The following CYP4B1 variants were observed in gnomAD, a reference collection of about 807,000 sequenced individuals.
The protein encoded by CYP4B1 is cytochrome P450 4B1.
CYP4B1 carries 45 observed loss-of-function variants against 54.0 expected under a neutral mutation model. That is an observed-to-expected ratio of 0.83 (90% confidence interval 0.66 to 1.07). CYP4B1 has a LOEUF of 1.07. CYP4B1 is among the 50% of genes least tolerant of loss of function. The probability of loss-of-function intolerance (pLI) is 0.00; values close to 1 mark genes in which losing one functional copy is unlikely to be tolerated. For missense variants in CYP4B1, 656 were observed against 655.4 expected (o/e 1.00, Z -0.01); for synonymous variants, 248 against 247.5 (o/e 1.00, Z -0.02).
intron 1 of CYP4B1, among the ~76,000 whole-genome samples, chr1:46,810,304 C>T (rs1045650437): frequency 3.9e-5 from 6 of 152,196 alleles, no homozygotes; most frequent in Non-Finnish European, 8.8e-5. Flanking sequence ...TGTCTATTAT[C>T]TGTCTTCTCC....
At chr1:46,817,705 G>A (rs1679391943) in intron 9 of CYP4B1, among the ~76,000 whole-genome samples, 1 of 152,206 alleles carries the variant, frequency 6.6e-6, no homozygotes, top group South Asian at 2.1e-4. Context: ...ACCTCATGAT[G>A]GATGGGTTCA....
At chr1:46,804,728 C>G (rs1335221214) in intron 1 of CYP4B1, among the ~76,000 whole-genome samples, 2 of 152,016 alleles carry the variant, frequency 1.3e-5, no homozygotes, top group African/African-American at 4.8e-5. Flanking sequence ...GGAAGTACAG[C>G]AAGGGTGATC....
At chr1:46,799,584 A>G (rs1678528397) in intron 1 of CYP4B1, among the ~76,000 whole-genome samples, 3 of 152,368 alleles carry the variant, frequency 2.0e-5, no homozygotes, top group East Asian at 3.9e-4. Context: ...GCAGAAATCC[A>G]AAACCTCTGG....
rs749594050 is a variant in CYP4B1 at position 46,818,212 on chromosome 1, AG to A, written c.1355+1del. The A allele has an allele frequency of 6.2e-7, 1 of 1,613,746 alleles. No individual in the cohort carries two copies. Among genetic ancestry groups the A allele is most frequent in the Non-Finnish European group, 8.5e-7 (1 of 1,179,720 alleles). On this transcript the variant is annotated frameshift_variant and splice_region_variant, in exon 11 of 12. Coordinates refer to ENST00000371923, the MANE Select transcript of CYP4B1 (RefSeq NM_001099772.2). LOFTEE classifies it low-confidence loss of function (END_TRUNC). ...FAFMPFSAGPRNCIGQQFAMS... is the reference protein window; with the variant it reads ...FAFMPFSAGPXNCIGQQFAMS... ...CTTTATGCCCTTCTCTGCTGGGCCC[AG>A]GTATGGAGAGACCCAGTATCCCAGG...
chr1:46,818,941 G>T lies in CYP4B1; in HGVS notation c.*127G>T. 1 of 781,546 alleles carries T rather than the reference G, an allele frequency of 1.3e-6. No individual in the cohort carries two copies. The highest frequency in any genetic ancestry group is 2.6e-5 in the East Asian group (1 of 38,220). The allele number at this position is 781,546 out of a possible 1,614,324, so 48.4% of individuals were successfully genotyped here. A position where few individuals can be genotyped will look rare whatever the true frequency, so the allele number is the denominator to read the frequency against. ...AGGCTTGTAGTTTAGAAGGGAAGTA[G>T]GCATTACCATAGACGACTCCTAGAG... On this transcript the variant is annotated 3_prime_UTR_variant, in exon 12 of 12. Transcript: ENST00000371923.
intron 7 of CYP4B1, chr1:46,814,629 TTCAG>T (rs766762292): frequency 8.4e-6 from 3 of 355,554 alleles, no homozygotes; most frequent in Non-Finnish European, 1.0e-5. Context: ...CATTCATTCA[TTCAG>T]TAAGTTCTTT....
chr1:46,804,760 AG>A (rs1678792443), intron 1 of CYP4B1, among the ~76,000 whole-genome samples: 1 of 151,856 alleles, frequency 6.6e-6, no homozygotes, highest in African/African-American at 2.4e-5. Context: ...AGGAGGGGAG[AG>A]GTAGAGAGGG....
In CYP4B1 at chr1:46,810,858, C is replaced by A. The variant is rs747209225; in HGVS notation, c.231C>A (p.Phe77Leu). 36 of 1,614,036 alleles carry A rather than the reference C, an allele frequency of 2.2e-5. 1 individual carries two copies. In the South Asian group the frequency reaches 2.6e-4, roughly 12 times the overall value. Reference protein sequence around the residue: ...LDKVVSWAHQFPYAHPLWFGQ... With the variant: ...LDKVVSWAHQLPYAHPLWFGQ... Reference sequence around the variant, plus strand: ...AAGTGGTGTCCTGGGCCCACCAGTTCCCGTATGCCCACCCACTCTGGTTCG... The same window carrying A: ...AAGTGGTGTCCTGGGCCCACCAGTTACCGTATGCCCACCCACTCTGGTTCG... Residue 77 changes from phenylalanine (F) to leucine (L), a missense_variant, in exon 2 of 12, where the codon TTC (phenylalanine) becomes TTA (leucine). Transcript: ENST00000371923.
intron 3 of CYP4B1, among the ~76,000 whole-genome samples, chr1:46,811,975 G>C (rs993568543): frequency 6.6e-6 from 1 of 152,190 alleles, no homozygotes; most frequent in Non-Finnish European, 1.5e-5. Flanking sequence ...AGACAGAAAA[G>C]GGTTAGGAAA....
In CYP4B1 at chr1:46,812,697, G is replaced by A. The variant is rs45580237; in HGVS notation, c.495+74G>A. 7,624 of 1,538,618 alleles carry A rather than the reference G, an allele frequency of 5.0e-3. 573 individuals are homozygous for A. The Admixed American group carries it at 0.12, about 25-fold the overall frequency. ...CCCCTCTCCACCCTGATTTTGTCCT[G>A]GGGAGAGTAGGTGGTGCTCTGCAGT... On this transcript the variant is annotated intron_variant, in intron 4 of 11. Coordinates refer to ENST00000371923, the MANE Select transcript of CYP4B1 (RefSeq NM_001099772.2).
intron 10 of CYP4B1, 23 bp downstream of exon 10, chr1:46,818,052 G>T (rs771887648): frequency 2.5e-6 from 4 of 1,613,718 alleles, no homozygotes; most frequent in Non-Finnish European, 2.5e-6. Flanking sequence ...TGGGCTGGGA[G>T]ATCAGACAGG....
intron 1 of CYP4B1, among the ~76,000 whole-genome samples, chr1:46,809,217 T>A (rs530564385): frequency 6.6e-6 from 1 of 150,886 alleles, no homozygotes; most frequent in Non-Finnish European, 1.5e-5. Context: ...AAAGCTCTCA[T>A]GGGAACTAAG....
intron 9 of CYP4B1, chr1:46,817,435 T>C: frequency 1.9e-6 from 1 of 533,946 alleles, no homozygotes; most frequent in East Asian, 3.3e-5. Context: ...AAGAGAATGT[T>C]CACCAAGGCT....
chr1:46,800,115 T>G (rs1678553371), intron 1 of CYP4B1, among the ~76,000 whole-genome samples: 1 of 152,144 alleles, frequency 6.6e-6, no homozygotes, highest in Non-Finnish European at 1.5e-5. Context: ...GAGACTTTTC[T>G]TTCTTTCCCT....
At position 46,818,657 on chromosome 1, in the gene CYP4B1, T is replaced by G. The variant is rs1169457987; in HGVS notation, c.1382T>G (p.Met461Arg). The change falls in exon 12 of 12, where the codon ATG (methionine) becomes AGG (arginine). Residue 461 changes from methionine (M) to arginine (R), a missense_variant. Met to Arg is a moderately conservative substitution (Grantham distance 91). Transcript: ENST00000371923. ...AACTGCATTGGGCAGCAGTTTGCCA[T>G]GAGTGAGATGAAGGTGGTCACAGCC... is the stretch of plus-strand genomic sequence containing the variant. ...PRNCIGQQFA[M>R]SEMKVVTAMC... is the part of the protein sequence containing the mutation. 1 of 1,614,222 alleles carries G rather than the reference T, an allele frequency of 6.2e-7. No individual in the cohort carries two copies. The highest frequency in any genetic ancestry group is 1.7e-5 in the Admixed American group (1 of 60,028).
At chr1:46,804,339 G>T (rs1416576787) in intron 1 of CYP4B1, among the ~76,000 whole-genome samples, 1 of 152,144 alleles carries the variant, frequency 6.6e-6, no homozygotes, top group Non-Finnish European at 1.5e-5. Flanking sequence ...AGTGGGCACA[G>T]CTCTTTAGAG....
chr1:46,813,784 C>A, intron 5 of CYP4B1, 125 bp from the exon 6 acceptor site: 5 of 1,442,314 alleles, frequency 3.5e-6, no homozygotes, highest in African/African-American at 1.4e-5. Flanking sequence ...AGCAAGGAGG[C>A]TTAAGGGCAG....
Position 46,814,152 on chromosome 1 carries a change from T to C in CYP4B1, c.776-57T>C, listed in dbSNP as rs561327765. ...CCCCCTCCCATTATAGGACCCCAGTTCCCCTTTGGACAAAAGATGGCTTCC... is the reference window on the plus strand; with the variant it reads ...CCCCCTCCCATTATAGGACCCCAGTCCCCCTTTGGACAAAAGATGGCTTCC... On this transcript the variant is annotated intron_variant, in intron 6 of 11. Transcript: ENST00000371923. 2,906 of 1,610,872 alleles carry C rather than the reference T, an allele frequency of 1.8e-3. 4 individuals carry two copies. The highest frequency in any genetic ancestry group is 2.3e-3 in the Non-Finnish European group (2,670 of 1,177,390).
chr1:46,809,176 TAAAAA>T (rs555630664), intron 1 of CYP4B1, among the ~76,000 whole-genome samples: 9 of 142,368 alleles, frequency 6.3e-5, no homozygotes, highest in African/African-American at 1.0e-4. Context: ...GCAAAATCCT[TAAAAA>T]AAAACAAAAC....
Sources: gnomAD v4.1 joint callset for allele counts (sites outside exome capture counted in the v4.1 genomes callset) on GRCh38, gnomAD v4.1.1 for gene constraint, MANE v1.5 for transcripts, NCBI Gene and HGNC (gene_info 2026-07-23, HGNC 2026-07-21) for gene names.